The following GALNT14 variants were observed in gnomAD, a reference collection of about 807,000 sequenced individuals.
GALNT14 encodes UDP-GalNAc:polypeptide N-acetylgalactosaminyltransferase 14.
In GALNT14, 60 loss-of-function variants were observed where a neutral mutation model predicts 77.5. The ratio of observed to expected loss-of-function variants is 0.77; its 90% CI spans 0.63 to 0.96. The LOEUF (loss-of-function observed/expected upper bound fraction) is 0.96, where lower values mean the gene tolerates loss of function less well. GALNT14 is among the 40% of genes least tolerant of loss of function. GALNT14 has a pLI of 0.00. For synonymous variants in GALNT14, 280 were observed against 281.7 expected (o/e 0.99, Z 0.06); for missense variants, 710 against 731.0 (o/e 0.97, Z 0.33).
chr2:30,890,917 G>A, the GALNT14 span, among the ~76,000 whole-genome samples: 1 of 152,194 alleles, frequency 6.6e-6, no homozygotes, highest in South Asian at 2.1e-4. Context: ...AGGACATGAG[G>A]CCTGGCAAGG....
chr2:31,138,048 G>A lies in GALNT14; in HGVS notation c.39C>T (p.Phe13=). The change falls in exon 1 of 15, where the codon TTC becomes TTT. Residue 13 remains phenylalanine, a synonymous_variant. Transcript: ENST00000349752. ...RLTRRLVLPV[F]GVLWITVLLF... ...GCAGCACCGTGATCCAGAGCACCCC[G>A]AAGACTGGCAGAACCAGCCGACGAG... 6.2e-7 allele frequency: 1 copy of A among 1,613,818 alleles called. No homozygotes were observed. Among genetic ancestry groups the A allele is most frequent in the East Asian group, 2.2e-5 (1 of 44,828 alleles).
At position 31,048,232 on chromosome 2, in the gene GALNT14, G is replaced by A. The variant is rs935202208; in HGVS notation, c.130-55225C>T. Reference sequence around the variant, plus strand: ...CAGGTATATGTTTTTCCCACACCAGGATTGGTGGTATAGGGGTAGGAAGCC... The same window carrying A: ...CAGGTATATGTTTTTCCCACACCAGAATTGGTGGTATAGGGGTAGGAAGCC... On this transcript the variant is annotated intron_variant, in intron 1 of 14. Coordinates refer to ENST00000349752, the MANE Select transcript of GALNT14 (RefSeq NM_024572.4). 3.3e-5 allele frequency among the ~76,000 whole-genome samples: 5 copies of A among 152,348 alleles called. No homozygotes were observed. The East Asian group carries it at 9.7e-4, about 29-fold the overall frequency.
intron 9 of GALNT14, among the ~76,000 whole-genome samples, chr2:30,934,022 T>C (rs1424721221): frequency 6.6e-6 from 1 of 152,214 alleles, no homozygotes; most frequent in Non-Finnish European, 1.5e-5. Context: ...TTAGATGACT[T>C]ACAGATGCTT....
intron 2 of GALNT14, among the ~76,000 whole-genome samples, chr2:30,978,460 T>C (rs1668772095): frequency 6.6e-6 from 1 of 152,182 alleles, no homozygotes; most frequent in Admixed American, 6.5e-5. Flanking sequence ...CATAGCAAAG[T>C]TGTGAGGCTG....
At chr2:30,978,847 G>A (rs1668806010) in intron 2 of GALNT14, among the ~76,000 whole-genome samples, 1 of 152,210 alleles carries the variant, frequency 6.6e-6, no homozygotes, top group Non-Finnish European at 1.5e-5. Context: ...GTGATAGACA[G>A]TAAGCTGATG....
chr2:31,021,407 C>T (rs1671709790), intron 1 of GALNT14, among the ~76,000 whole-genome samples: 1 of 151,876 alleles, frequency 6.6e-6, no homozygotes, highest in Non-Finnish European at 1.5e-5. Flanking sequence ...TGGGTTCAAG[C>T]AATTCTCCTG....
At chr2:31,084,225 T>G (rs1384753595) in intron 1 of GALNT14, among the ~76,000 whole-genome samples, 1 of 152,140 alleles carries the variant, frequency 6.6e-6, no homozygotes, top group African/African-American at 2.4e-5. Flanking sequence ...AAGGAAACGG[T>G]CTCAGAGAGG....
At chr2:31,068,507 C>CAA (rs56916863) in intron 1 of GALNT14, among the ~76,000 whole-genome samples, 4 of 104,302 alleles carry the variant, frequency 3.8e-5, no homozygotes, top group East Asian at 2.9e-4. Context: ...GACCCCGTCT[C>CAA]AAAAAAAAAA....
chr2:30,981,390 C>A lies in GALNT14; in HGVS notation c.299+11448G>T, dbSNP rs1668979392. On this transcript the variant is annotated intron_variant, in intron 2 of 14. Transcript: ENST00000349752. ...AACTGCCTTCTACGTGATGTGCCAACTCCAGGAGCAAGCATCTCTGCTGCT... is the reference window on the plus strand; with the variant it reads ...AACTGCCTTCTACGTGATGTGCCAAATCCAGGAGCAAGCATCTCTGCTGCT... 2.6e-5 allele frequency among the ~76,000 whole-genome samples: 4 copies of A among 152,212 alleles called. No homozygotes were observed. The South Asian group carries it at 8.3e-4, about 32-fold the overall frequency.
At chr2:31,040,144 A>G (rs1673013536) in intron 1 of GALNT14, among the ~76,000 whole-genome samples, 1 of 152,252 alleles carries the variant, frequency 6.6e-6, no homozygotes, top group African/African-American at 2.4e-5. Flanking sequence ...TTTATGACAA[A>G]TGTACTCAGT....
rs114214543 is a variant in GALNT14, at chr2:30,960,236, A to G, written c.399-1772T>C. Among the ~76,000 whole-genome samples the G allele has an allele frequency of 8.4e-3, 1,278 of 152,280 alleles. 10 individuals carry two copies. Among genetic ancestry groups the G allele is most frequent in the Middle Eastern group, 0.034 (10 of 294 alleles). ...ACCATGATCGTCCCAAAGAAAACACATACAAACAACAACCAGCCCTCTAAT... is the reference window on the plus strand; with the variant it reads ...ACCATGATCGTCCCAAAGAAAACACGTACAAACAACAACCAGCCCTCTAAT... On this transcript the variant is annotated intron_variant, in intron 3 of 14. Transcript: ENST00000349752.
intron 1 of GALNT14, among the ~76,000 whole-genome samples, chr2:31,073,523 A>G (rs1401698571): frequency 6.6e-6 from 1 of 152,170 alleles, no homozygotes; most frequent in Non-Finnish European, 1.5e-5. Context: ...ATGCAAGAGA[A>G]GCCTCCTCTA....
Position 30,955,892 on chromosome 2 carries a change from G to A in GALNT14, c.532+20C>T, listed in dbSNP as rs761491170. ...CCCGACACTCACACTGGAGGCTCCC[G>A]CACAACAGCTCAGACCTACCTTGCC... On this transcript the variant is annotated intron_variant, in intron 5 of 14. Transcript: ENST00000349752. The A allele has an allele frequency of 7.4e-6, 12 of 1,613,360 alleles. No homozygotes were observed. The South Asian group carries it at 9.9e-5, about 13-fold the overall frequency.
chr2:30,979,086 G>A (rs1006528742), intron 2 of GALNT14, among the ~76,000 whole-genome samples: 1 of 152,238 alleles, frequency 6.6e-6, no homozygotes, highest in Admixed American at 6.5e-5. Flanking sequence ...CTTCAGGGTT[G>A]GGGTGGTGAC....
At chr2:30,902,221 A>C in the GALNT14 span, among the ~76,000 whole-genome samples, 3 of 152,168 alleles carry the variant, frequency 2.0e-5, no homozygotes, top group Non-Finnish European at 2.9e-5. Flanking sequence ...GTGGAGGTTC[A>C]GAATGGCTGC....
intron 1 of GALNT14, among the ~76,000 whole-genome samples, chr2:30,996,558 C>A (rs7594102): frequency 0.77 from 117,290 of 152,160 alleles, 46,308 homozygotes; most frequent in East Asian, 0.97. Context: ...GCCTCACCCC[C>A]CCTCTACTCT....
intron 11 of GALNT14, among the ~76,000 whole-genome samples, chr2:30,925,293 T>C (rs1305110886): frequency 4.6e-5 from 7 of 152,334 alleles, no homozygotes; most frequent in African/African-American, 1.7e-4. Context: ...TCATTAGATA[T>C]TCATTGAGCA....
intron 1 of GALNT14, among the ~76,000 whole-genome samples, chr2:30,999,223 G>A (rs1012418885): frequency 5.9e-5 from 9 of 152,122 alleles, no homozygotes; most frequent in Non-Finnish European, 1.3e-4. Context: ...ATCCCTCCTG[G>A]GTCCAGCTAG....
At chr2:31,038,094 T>C (rs1416863800) in intron 1 of GALNT14, among the ~76,000 whole-genome samples, 1 of 70,370 alleles carries the variant, frequency 1.4e-5, no homozygotes, top group African/African-American at 6.7e-5. Flanking sequence ...ATTTTTTTTT[T>C]TTTTTTTTTT....
Sources: gnomAD v4.1 joint callset for allele counts (sites outside exome capture counted in the v4.1 genomes callset) on GRCh38, gnomAD v4.1.1 for gene constraint, MANE v1.5 for transcripts, NCBI Gene and HGNC (gene_info 2026-07-23, HGNC 2026-07-21) for gene names.